MYH4: variants seen among roughly 807,000 people sequenced by gnomAD.
The protein encoded by MYH4 is myosin heavy chain 4.
A neutral mutation model predicts 229.9 loss-of-function variants in MYH4; 200 were observed. That is an observed-to-expected ratio of 0.87 (90% CI 0.78 to 0.98). The LOEUF is 0.98. MYH4 is among the 50% of genes least tolerant of loss of function. The probability of loss-of-function intolerance (pLI) is 0.00; values close to 1 mark genes in which losing one functional copy is unlikely to be tolerated. For synonymous variants in MYH4, 761 were observed against 834.6 expected (o/e 0.91, Z 1.52); for missense variants, 2,148 against 2,332.6 (o/e 0.92, Z 1.63).
At position 10,451,217 on chromosome 17, in the gene MYH4, T is replaced by C. The variant is rs1401539765; in HGVS notation, c.3865+109A>G. The C allele has an allele frequency of 8.2e-6, 11 of 1,339,382 alleles. No homozygotes were observed. In the South Asian group the frequency reaches 1.2e-4, roughly 14 times the overall value. The allele number at this position is 1,339,382 out of a possible 1,614,324, so 83.0% of individuals were successfully genotyped here. Reference sequence around the variant, plus strand: ...AAAAGATGGAGGAATAAGTAAGACATGATAAATGAATGTACAGAGCTTGAG... The same window carrying C: ...AAAAGATGGAGGAATAAGTAAGACACGATAAATGAATGTACAGAGCTTGAG... On this transcript the variant is annotated intron_variant, in intron 28 of 39. Coordinates refer to ENST00000255381, the MANE Select transcript of MYH4 (RefSeq NM_017533.2).
chr17:10,453,121 C>T, intron 24 of MYH4, 31 bp downstream of exon 24: 2 of 1,613,444 alleles, frequency 1.2e-6, no homozygotes, highest in Non-Finnish European at 1.7e-6. Context: ...TATTTCATTG[C>T]AAGGGGAAAC....
At chr17:10,446,510 G>A (rs1167768576) in intron 35 of MYH4, among the ~76,000 whole-genome samples, 1 of 149,694 alleles carries the variant, frequency 6.7e-6, no homozygotes, top group Non-Finnish European at 1.5e-5. Context: ...CCATTGTGAG[G>A]ATATACCACC....
intron 11 of MYH4, 136 bp downstream of exon 11, chr17:10,462,729 T>G: frequency 1.7e-6 from 1 of 600,686 alleles, no homozygotes; most frequent in Non-Finnish European, 2.7e-6. Flanking sequence ...TACAATTTTT[T>G]TCCAAAAGTA....
At position 10,450,548 on chromosome 17, in the gene MYH4, C is replaced by T. The variant is rs1217145944; in HGVS notation, c.4086G>A (p.Gln1362=). ...CACTGTTGGCCTTGGACATTCCCCT[C>T]TGCAGCTCAGCCTTGGCTTCCTGCT... ...EEEQEAKAEL[Q]RGMSKANSEV... is the part of the protein sequence containing the mutation. The change falls in exon 30 of 40, where the codon CAG becomes CAA. Residue 1362 remains glutamine (Q), a synonymous_variant. Transcript: ENST00000255381. 6.2e-7 allele frequency: 1 copy of T among 1,614,212 alleles called. No homozygotes were observed. The highest frequency in any genetic ancestry group is 1.1e-5 in the South Asian group (1 of 91,088).
chr17:10,454,786 G>T lies in MYH4; in HGVS notation c.2460C>A (p.Tyr820Ter), dbSNP rs751355983. The change falls in exon 22 of 40, where the codon TAC (tyrosine) becomes TAA (stop). Residue 820 changes from tyrosine (Y) to a stop codon, truncating the protein, a stop_gained. Coordinates refer to ENST00000255381, the MANE Select transcript of MYH4 (RefSeq NM_017533.2). LOFTEE classifies it high-confidence loss of function. Reference sequence around the variant, plus strand: ...TCACATTCATGAAAGCACGGATGTTGTACTGAATGCAGAAGATGGACTCTC... The same window carrying T: ...TCACATTCATGAAAGCACGGATGTTTTACTGAATGCAGAAGATGGACTCTC... ...ERRESIFCIQYNIRAFMNVKH... is the reference protein window; with the variant it reads ...ERRESIFCIQ The T allele has an allele frequency of 1.9e-6, 3 of 1,614,116 alleles. No individual in the cohort carries two copies. Among genetic ancestry groups the T allele is most frequent in the Admixed American group, 3.3e-5 (2 of 60,014 alleles).
chr17:10,455,537 A>T, intron 19 of MYH4, 77 bp downstream of exon 19: 1 of 1,542,818 alleles, frequency 6.5e-7, no homozygotes, highest in Non-Finnish European at 8.8e-7. Context: ...TTCAAGGAAA[A>T]GTTTAAAAAT....
intron 22 of MYH4, 67 bp downstream of exon 22, chr17:10,454,488 G>A: frequency 6.4e-7 from 1 of 1,555,190 alleles, no homozygotes; most frequent in Non-Finnish European, 8.7e-7. Context: ...ATGTTTCAGT[G>A]GAAACCATTC....
intron 5 of MYH4, among the ~76,000 whole-genome samples, chr17:10,465,226 A>G (rs1040007821): frequency 2.0e-5 from 3 of 152,126 alleles, no homozygotes; most frequent in African/African-American, 7.2e-5. Flanking sequence ...AATTTCCTCT[A>G]TTTTTGGAAC....
chr17:10,467,928 G>A (rs780056099), intron 2 of MYH4, among the ~76,000 whole-genome samples: 5 of 152,270 alleles, frequency 3.3e-5, no homozygotes, highest in East Asian at 1.9e-4. Flanking sequence ...CAATGATGGC[G>A]ACAACAGCAA....
At chr17:10,446,767 G>A (rs145845010) in intron 35 of MYH4, among the ~76,000 whole-genome samples, 1 of 152,228 alleles carries the variant, frequency 6.6e-6, no homozygotes, top group Non-Finnish European at 1.5e-5. Flanking sequence ...TTTGTAGATG[G>A]TCTTCTGTGC....
At chr17:10,461,625 C>T (rs2072703597) in intron 11 of MYH4, among the ~76,000 whole-genome samples, 1 of 152,036 alleles carries the variant, frequency 6.6e-6, no homozygotes, top group Non-Finnish European at 1.5e-5. Flanking sequence ...GCTCAGCGAC[C>T]ACGAGATGCC....
intron 5 of MYH4, 111 bp from the exon 6 acceptor site, chr17:10,464,819 A>G (rs919607383): frequency 8.7e-6 from 9 of 1,031,796 alleles, no homozygotes; most frequent in African/African-American, 1.6e-5. Context: ...TTGCAAAAAT[A>G]ACTATATGAA....
rs2072479448 is a variant in MYH4, at chr17:10,443,517, G to T, written c.5678C>A (p.Ser1893Tyr). The change falls in exon 40 of 40, where the codon TCC (serine) becomes TAC (tyrosine). Residue 1893 changes from serine (S) to tyrosine (Y), a missense_variant. By Grantham distance (144) the Ser-to-Tyr change is moderately radical. Coordinates refer to ENST00000255381, the MANE Select transcript of MYH4 (RefSeq NM_017533.2). The surrounding 1 kb of genome is among the most constrained non-coding windows in gnomAD (Gnocchi z 4.6). The part of the protein sequence containing the change: ...KRQAEEAEEQ[S>Y]NVNLAKFRKL... Reference sequence around the variant, plus strand: ...GCGGAACTTGGCAAGGTTGACATTGGATTGTTCCTCCTGAGAACAGAGATG... The same window carrying T: ...GCGGAACTTGGCAAGGTTGACATTGTATTGTTCCTCCTGAGAACAGAGATG... 3 of 1,613,456 alleles carry T rather than the reference G, an allele frequency of 1.9e-6. No individual in the cohort carries two copies. The highest frequency in any genetic ancestry group is 2.7e-5 in the African/African-American group (2 of 74,880).
chr17:10,443,514 T>C lies in MYH4; in HGVS notation c.5681A>G (p.Asn1894Ser), dbSNP rs1026248729. ...RQAEEAEEQS[N>S]VNLAKFRKLQ... The stretch of plus-strand genomic sequence containing the variant: ...CTTGCGGAACTTGGCAAGGTTGACA[T>C]TGGATTGTTCCTCCTGAGAACAGAG... Residue 1894 changes from asparagine (N) to serine (S), a missense_variant, in exon 40 of 40, where the codon AAT becomes AGT. By Grantham distance (46) the Asn-to-Ser change is conservative. Coordinates refer to ENST00000255381, the MANE Select transcript of MYH4 (RefSeq NM_017533.2). This position sits in a 1 kb window ranked among gnomAD's most constrained non-coding sequence, Gnocchi z 4.6. The C allele has an allele frequency of 1.2e-6, 2 of 1,613,730 alleles. No individual in the cohort carries two copies. The highest frequency in any genetic ancestry group is 1.7e-6 in the Non-Finnish European group (2 of 1,179,920).
At chr17:10,462,463 G>T (rs566861447) in intron 11 of MYH4, among the ~76,000 whole-genome samples, 1 of 152,324 alleles carries the variant, frequency 6.6e-6, no homozygotes, top group African/African-American at 2.4e-5. Flanking sequence ...ATGTTTACAT[G>T]TGACTGTAGA....
chr17:10,450,499 A>C lies in MYH4; in HGVS notation c.4135T>G (p.Tyr1379Asp), dbSNP rs759797559. The C allele has an allele frequency of 2.5e-5, 40 of 1,613,954 alleles. No homozygotes were observed. Among genetic ancestry groups the C allele is most frequent in the Non-Finnish European group, 3.2e-5 (38 of 1,179,928 alleles). ...NSEVAQWRTKYETDAIQRTEE... is the reference protein window; with the variant it reads ...NSEVAQWRTKDETDAIQRTEE... ...GTGCGCTGGATGGCGTCCGTCTCGT[A>C]CTTGGTCCTCCACTGGGCAACCTCA... Residue 1379 changes from tyrosine (Y) to aspartate (D), a missense_variant, in exon 30 of 40, where the codon TAC (tyrosine) becomes GAC (aspartate). By Grantham distance (160) the Tyr-to-Asp change is radical (BLOSUM62 -3). Transcript: ENST00000255381.
rs767121220 is a variant in MYH4 at position 10,460,219 on chromosome 17, C to T, written c.1250G>A (p.Gly417Asp). ...VKVGNEFVTK[G>D]QTVQQVYNAV... ...CATGTTTACCTGCTGCACAGTCTGG[C>T]CTTTGGTTACGAACTCATTGCCGAC... is the stretch of plus-strand genomic sequence containing the variant. Residue 417 changes from glycine (G) to aspartate (D), a missense_variant, in exon 13 of 40, where the codon GGC becomes GAC. By Grantham distance (94) the Gly-to-Asp change is moderately conservative. Coordinates refer to ENST00000255381, the MANE Select transcript of MYH4 (RefSeq NM_017533.2). 11 of 1,613,892 alleles carry T rather than the reference C, an allele frequency of 6.8e-6. No homozygotes were observed. In the South Asian group the frequency reaches 9.9e-5, roughly 14 times the overall value.
intron 17 of MYH4, 43 bp from the exon 18 acceptor site, chr17:10,455,944 A>G (rs2072634555): frequency 1.2e-6 from 2 of 1,610,688 alleles, no homozygotes; most frequent in Non-Finnish European, 1.7e-6. Flanking sequence ...TTCTAGTTGC[A>G]TCGACATGAG....
Position 10,452,172 on chromosome 17 carries a change from C to G in MYH4, c.3507G>C (p.Lys1169Asn), listed in dbSNP as rs139851738. ...TTTTCTGGAACTCAGCCTCCCGCTT[C>G]TTGTTCATCTCAATCTGGGCTGAAG... ...GATSAQIEMN[K>N]KREAEFQKMR... Residue 1169 changes from lysine (K) to asparagine (N), a missense_variant, in exon 27 of 40, where the codon AAG (lysine) becomes AAC (asparagine). By Grantham distance (94) the Lys-to-Asn change is moderately conservative. Coordinates refer to ENST00000255381, the MANE Select transcript of MYH4 (RefSeq NM_017533.2). 4.4e-5 allele frequency: 71 copies of G among 1,613,998 alleles called. No homozygotes were observed. The African/African-American group carries it at 9.3e-4, about 21-fold the overall frequency.
Sources: gnomAD v4.1 joint callset for allele counts (sites outside exome capture counted in the v4.1 genomes callset) on GRCh38, gnomAD v4.1.1 for gene constraint, Gnocchi (gnomAD v3.1) non-coding constraint, MANE v1.5 for transcripts, NCBI Gene and HGNC (gene_info 2026-07-23, HGNC 2026-07-21) for gene names.